The following VPS13B variants were observed in gnomAD, a reference collection of about 807,000 sequenced individuals.
The protein encoded by VPS13B is vacuolar protein sorting 13 homolog B, also known as intermembrane lipid transfer protein VPS13B.
VPS13B carries 285 observed loss-of-function variants against 426.4 expected under a neutral mutation model. That is an observed-to-expected ratio of 0.67 (90% CI 0.61 to 0.74). The LOEUF is 0.74. Among genes scored for constraint, VPS13B ranks in the 30% least tolerant of loss-of-function variants. The probability of loss-of-function intolerance (pLI) is 0.00; values close to 1 mark genes in which losing one functional copy is unlikely to be tolerated. For synonymous variants in VPS13B, 1,676 were observed against 1,676.4 expected (o/e 1.00, Z 0.01); for missense variants, 4,537 against 4,782.6 (o/e 0.95, Z 1.51).
chr8:99,281,177 C>G (rs1819150499), intron 19 of VPS13B, among the ~76,000 whole-genome samples: 1 of 152,190 alleles, frequency 6.6e-6, no homozygotes, highest in Non-Finnish European at 1.5e-5. Flanking sequence ...GCTTTGTGCT[C>G]CTATGAGCAT....
intron 19 of VPS13B, among the ~76,000 whole-genome samples, chr8:99,284,412 A>T (rs1026623917): frequency 6.6e-6 from 1 of 152,212 alleles, no homozygotes; most frequent in Non-Finnish European, 1.5e-5. Flanking sequence ...AAGTCTCTAC[A>T]GTGAATCAAC....
chr8:99,794,614 A>G (rs1812715410), intron 43 of VPS13B, among the ~76,000 whole-genome samples: 1 of 152,160 alleles, frequency 6.6e-6, no homozygotes, highest in African/African-American at 2.4e-5. Flanking sequence ...TGCACCTTGT[A>G]GTTTTCCCAG....
intron 31 of VPS13B, among the ~76,000 whole-genome samples, chr8:99,562,188 T>C (rs1824959301): frequency 6.6e-6 from 1 of 152,214 alleles, no homozygotes. Flanking sequence ...ATCTCTATAA[T>C]GATTAATGAA....
intron 19 of VPS13B, among the ~76,000 whole-genome samples, chr8:99,312,590 C>T (rs1821054508): frequency 6.6e-6 from 1 of 152,198 alleles, no homozygotes; most frequent in African/African-American, 2.4e-5. Context: ...TTCTCTCTGG[C>T]TGCCCTTAAC....
chr8:99,717,165 T>C lies in VPS13B; in HGVS notation c.6455-6T>C, dbSNP rs778817208. ...AATTATATACTCTTCTGTATTTTTT[T>C]TTCAGGCATAATTCTTGGGTCATCA... On this transcript the variant is annotated splice_polypyrimidine_tract_variant and splice_region_variant and intron_variant, in intron 36 of 61. Transcript: ENST00000357162. 6.2e-7 allele frequency: 1 copy of C among 1,610,282 alleles called. No homozygotes were observed. Among genetic ancestry groups the C allele is most frequent in the Non-Finnish European group, 8.5e-7 (1 of 1,176,658 alleles).
intron 36 of VPS13B, among the ~76,000 whole-genome samples, chr8:99,704,797 A>T (rs1832429789): frequency 1.3e-5 from 2 of 152,188 alleles, no homozygotes; most frequent in African/African-American, 4.8e-5. Context: ...GGAAAGGTGG[A>T]GACCTCATTG....
chr8:99,179,672 T>C (rs1812839336), intron 16 of VPS13B, among the ~76,000 whole-genome samples: 1 of 152,226 alleles, frequency 6.6e-6, no homozygotes, highest in African/African-American at 2.4e-5. Flanking sequence ...CACTGCTTTG[T>C]GTGATTATTT....
At chr8:99,804,680 C>T (rs1272457503) in intron 43 of VPS13B, among the ~76,000 whole-genome samples, 4 of 152,016 alleles carry the variant, frequency 2.6e-5, no homozygotes, top group African/African-American at 2.4e-5. Context: ...TGGGATATTA[C>T]GATGAGTTTA....
In VPS13B at chr8:99,761,065, T is replaced by A. The variant is rs1017338618; in HGVS notation, c.7051-5709T>A. 4.6e-5 allele frequency among the ~76,000 whole-genome samples: 7 copies of A among 152,334 alleles called. No homozygotes were observed. The South Asian group carries it at 1.5e-3, about 32-fold the overall frequency. The stretch of plus-strand genomic sequence containing the variant: ...ATATTCTTATAATGGGAAAAAAGAA[T>A]AAGTACGTGACTTTTATACATGTAT... On this transcript the variant is annotated intron_variant, in intron 39 of 61. Transcript: ENST00000357162.
intron 30 of VPS13B, among the ~76,000 whole-genome samples, chr8:99,527,160 C>T (rs1167394542): frequency 3.3e-5 from 5 of 151,736 alleles, no homozygotes; most frequent in African/African-American, 1.2e-4. Flanking sequence ...TCCGAGTTTG[C>T]TCTCGGTGGA....
intron 17 of VPS13B, among the ~76,000 whole-genome samples, chr8:99,248,787 CATTG>C (rs980074916): frequency 1.3e-5 from 2 of 152,088 alleles, no homozygotes; most frequent in African/African-American, 2.4e-5. Flanking sequence ...CTAAATCTGT[CATTG>C]ATTGATTGAT....
chr8:99,694,928 C>T (rs1831887294), intron 35 of VPS13B, among the ~76,000 whole-genome samples: 1 of 151,858 alleles, frequency 6.6e-6, no homozygotes, highest in Non-Finnish European at 1.5e-5. Flanking sequence ...ACTTATGCAG[C>T]CAAAAAACAC....
At chr8:99,624,316 T>G (rs984714814) in intron 33 of VPS13B, among the ~76,000 whole-genome samples, 1 of 152,144 alleles carries the variant, frequency 6.6e-6, no homozygotes, top group Non-Finnish European at 1.5e-5. Context: ...CTTAGGTAGT[T>G]TTTAGCACTG....
chr8:99,750,372 G>A (rs1189430303), intron 39 of VPS13B, among the ~76,000 whole-genome samples: 1 of 151,798 alleles, frequency 6.6e-6, no homozygotes, highest in Non-Finnish European at 1.5e-5. Flanking sequence ...CCCTTTCCTG[G>A]GCCCATTTAT....
At chr8:99,028,944 G>A (rs1842332526) in intron 2 of VPS13B, among the ~76,000 whole-genome samples, 1 of 141,970 alleles carries the variant, frequency 7.0e-6, no homozygotes, top group Non-Finnish European at 1.5e-5. Context: ...TCCCAGACGG[G>A]GTGGCTGCCG....
intron 36 of VPS13B, among the ~76,000 whole-genome samples, chr8:99,714,147 A>G (rs527733701): frequency 2.8e-4 from 43 of 151,978 alleles, no homozygotes; most frequent in African/African-American, 1.0e-3. Flanking sequence ...TCAAAAAAAA[A>G]AAAAAAAAAA....
chr8:99,306,831 A>G (rs1347819649), intron 19 of VPS13B, among the ~76,000 whole-genome samples: 1 of 152,110 alleles, frequency 6.6e-6, no homozygotes. Flanking sequence ...AAGTGGGATG[A>G]TAGTGAATTA....
intron 27 of VPS13B, among the ~76,000 whole-genome samples, chr8:99,506,302 A>T (rs760876001): frequency 6.6e-6 from 1 of 152,206 alleles, no homozygotes; most frequent in Admixed American, 6.5e-5. Flanking sequence ...TTGATAATAG[A>T]ATGTTCAACT....
At chr8:99,415,624 A>G (rs1298732723) in intron 21 of VPS13B, among the ~76,000 whole-genome samples, 1 of 152,042 alleles carries the variant, frequency 6.6e-6, no homozygotes, top group Non-Finnish European at 1.5e-5. Context: ...GTTGATGTTC[A>G]TGCTATTCCT....
Sources: gnomAD v4.1 joint callset for allele counts (sites outside exome capture counted in the v4.1 genomes callset) on GRCh38, gnomAD v4.1.1 for gene constraint, MANE v1.5 for transcripts, NCBI Gene and HGNC (gene_info 2026-07-23, HGNC 2026-07-21) for gene names.